The following MAPKAP1 variants were observed in gnomAD, a reference collection of about 807,000 sequenced individuals.
MAPKAP1 encodes the protein target of rapamycin complex 2 subunit MAPKAP1.
In MAPKAP1, 20 loss-of-function variants were observed where a neutral mutation model predicts 65.7. The ratio of observed to expected loss-of-function variants is 0.30; its 90% confidence interval spans 0.21 to 0.44. MAPKAP1 has a LOEUF of 0.44. MAPKAP1 is among the 20% of genes least tolerant of loss of function. MAPKAP1 has a pLI of 1.00. For synonymous variants in MAPKAP1, 222 were observed against 244.3 expected (o/e 0.91, Z 0.85); for missense variants, 423 against 648.0 (o/e 0.65, Z 3.77).
At chr9:125,440,217 C>T (rs562508537) in intron 11 of MAPKAP1, among the ~76,000 whole-genome samples, 7 of 152,296 alleles carry the variant, frequency 4.6e-5, no homozygotes, top group Admixed American at 2.0e-4. Flanking sequence ...TGCCTTTCAG[C>T]GCTCATGGAA....
chr9:125,441,752 G>C (rs10986757), intron 11 of MAPKAP1, among the ~76,000 whole-genome samples: 1 of 152,124 alleles, frequency 6.6e-6, no homozygotes, highest in Non-Finnish European at 1.5e-5. Context: ...TCCGTTGCTT[G>C]GTACTGGTGC....
chr9:125,669,097 T>C (rs1834422468), intron 3 of MAPKAP1, among the ~76,000 whole-genome samples: 1 of 151,720 alleles, frequency 6.6e-6, no homozygotes. Flanking sequence ...GGAGAATTGC[T>C]TGAACCAGGG....
At chr9:125,485,644 T>C (rs1341374966) in intron 8 of MAPKAP1, among the ~76,000 whole-genome samples, 1 of 152,186 alleles carries the variant, frequency 6.6e-6, no homozygotes, top group East Asian at 1.9e-4. Context: ...AACAACCCTC[T>C]CATCCTCACC....
intron 9 of MAPKAP1, chr9:125,478,113 T>A (rs1854176721): frequency 6.6e-6 from 1 of 152,206 alleles, no homozygotes; most frequent in Admixed American, 6.5e-5. Flanking sequence ...CTTATAGGAC[T>A]GTGTTGGAAC....
chr9:125,576,416 C>G (rs560778557), intron 5 of MAPKAP1, among the ~76,000 whole-genome samples: 28 of 152,332 alleles, frequency 1.8e-4, no homozygotes, highest in African/African-American at 6.5e-4. Flanking sequence ...TGCAAATTTT[C>G]TGTAAACCTA....
intron 4 of MAPKAP1, among the ~76,000 whole-genome samples, chr9:125,618,150 T>C (rs1449087625): frequency 6.6e-6 from 1 of 151,740 alleles, no homozygotes; most frequent in Non-Finnish European, 1.5e-5. Context: ...GAGACCAGCG[T>C]GGCCTACATA....
chr9:125,538,542 G>A (rs1307193449), intron 7 of MAPKAP1, among the ~76,000 whole-genome samples: 2 of 151,362 alleles, frequency 1.3e-5, no homozygotes, highest in South Asian at 2.1e-4. Flanking sequence ...TTTTTTTTTG[G>A]TGGGGTGGGG....
At chr9:125,499,792 C>T (rs1305865926) in intron 8 of MAPKAP1, among the ~76,000 whole-genome samples, 1 of 151,918 alleles carries the variant, frequency 6.6e-6, no homozygotes, top group Non-Finnish European at 1.5e-5. Context: ...CAAGCCTGGG[C>T]AACATAGCAA....
intron 11 of MAPKAP1, among the ~76,000 whole-genome samples, chr9:125,443,704 A>G (rs937164237): frequency 3.4e-4 from 1 of 2,902 alleles, no homozygotes; most frequent in Admixed American, 2.1e-3. Context: ...CAGCTCCCCC[A>G]GCCCCCCCAG....
intron 4 of MAPKAP1, among the ~76,000 whole-genome samples, chr9:125,594,284 A>G (rs1306701062): frequency 1.3e-5 from 2 of 152,246 alleles, no homozygotes; most frequent in African/African-American, 4.8e-5. Context: ...AGGATGGCCT[A>G]GTGGTAGCAT....
In MAPKAP1 at chr9:125,439,519, GC is replaced by G. The variant is rs1376959180; in HGVS notation, c.1444-508del. On this transcript the variant is annotated intron_variant, in intron 11 of 11. Transcript: ENST00000265960. The surrounding 1 kb of genome is among the most constrained non-coding windows in gnomAD (Gnocchi z 4.0). Reference sequence around the variant, plus strand: ...AGTGCTTCCTTCAGGGCTCATGAGTGCCCAGCCAGGCAGGGCTCACTTGACA... The same window carrying G: ...AGTGCTTCCTTCAGGGCTCATGAGTGCCAGCCAGGCAGGGCTCACTTGACA... 1.3e-5 allele frequency among the ~76,000 whole-genome samples: 2 copies of G among 152,228 alleles called. No individual in the cohort carries two copies. Among genetic ancestry groups the G allele is most frequent in the Non-Finnish European group, 2.9e-5 (2 of 68,038 alleles).
At chr9:125,582,420 T>C (rs1412915721) in intron 5 of MAPKAP1, among the ~76,000 whole-genome samples, 1 of 152,228 alleles carries the variant, frequency 6.6e-6, no homozygotes, top group Non-Finnish European at 1.5e-5. Context: ...GGAATTTTAA[T>C]TTGCTGAGCT....
chr9:125,662,804 G>A (rs1295360730), intron 3 of MAPKAP1, among the ~76,000 whole-genome samples: 1 of 151,700 alleles, frequency 6.6e-6, no homozygotes, highest in Non-Finnish European at 1.5e-5. Flanking sequence ...ATGATATAGA[G>A]AATATTAAAA....
intron 4 of MAPKAP1, among the ~76,000 whole-genome samples, chr9:125,632,480 A>G (rs1354056538): frequency 1.3e-5 from 2 of 152,186 alleles, no homozygotes; most frequent in South Asian, 2.1e-4. Flanking sequence ...GTTACAATTA[A>G]CCATGACCCT....
chr9:125,512,206 A>G (rs574005817), intron 7 of MAPKAP1, among the ~76,000 whole-genome samples: 7 of 152,348 alleles, frequency 4.6e-5, no homozygotes, highest in Middle Eastern at 3.4e-3. Flanking sequence ...CTGAAATCCA[A>G]TGGAAAGCAA....
chr9:125,585,744 C>T lies in MAPKAP1; in HGVS notation c.499-17G>A, dbSNP rs374599970. ...TACATGACCCTGTGGACAGAACAAA[C>T]ACGTGAGAGCAAAGCACACTGCCAG... On this transcript the variant is annotated splice_polypyrimidine_tract_variant and intron_variant, in intron 4 of 11. Transcript: ENST00000265960. 28 of 1,611,484 alleles carry T rather than the reference C, an allele frequency of 1.7e-5. No individual in the cohort carries two copies. Among genetic ancestry groups the T allele is most frequent in the African/African-American group, 1.5e-4 (11 of 74,984 alleles).
chr9:125,637,281 GAATAAA>G (rs1290426702), intron 4 of MAPKAP1, among the ~76,000 whole-genome samples: 1 of 151,168 alleles, frequency 6.6e-6, no homozygotes, highest in Non-Finnish European at 1.5e-5. Context: ...AAAAATAAAT[GAATAAA>G]AATAAAAATA....
intron 3 of MAPKAP1, among the ~76,000 whole-genome samples, chr9:125,668,196 G>C (rs1186232266): frequency 6.6e-6 from 1 of 152,202 alleles, no homozygotes; most frequent in Non-Finnish European, 1.5e-5. Flanking sequence ...TTAGCGCAGA[G>C]AGACTGGCCT....
At chr9:125,445,034 G>T (rs1852653215) in intron 10 of MAPKAP1, among the ~76,000 whole-genome samples, 2 of 152,180 alleles carry the variant, frequency 1.3e-5, no homozygotes, top group South Asian at 2.1e-4. Context: ...CCACAGCCTG[G>T]GCTCCTGCTG....
Sources: gnomAD v4.1 joint callset for allele counts (sites outside exome capture counted in the v4.1 genomes callset) on GRCh38, gnomAD v4.1.1 for gene constraint, Gnocchi (gnomAD v3.1) non-coding constraint, MANE v1.5 for transcripts, NCBI Gene and HGNC (gene_info 2026-07-23, HGNC 2026-07-21) for gene names.